Variants in CYLC1 observed in about 807,000 individuals in gnomAD.
CYLC1 encodes cylicin 1, also known as cylicin-1.
CYLC1 carries 2 observed loss-of-function variants against 31.6 expected under a neutral mutation model. That is an observed-to-expected ratio of 0.06 (90% CI 0.03 to 0.20). The LOEUF (loss-of-function observed/expected upper bound fraction) is 0.20. Among genes scored for constraint, CYLC1 ranks in the 10% least tolerant of loss-of-function variants. The pLI is 1.00. For missense variants in CYLC1, 595 were observed against 424.1 expected (o/e 1.40, Z -3.54); for synonymous variants, 185 against 153.0 (o/e 1.21, Z -1.54).
At position 83,873,263 on chromosome X, in the gene CYLC1, C is replaced by G. The variant is rs980763849; in HGVS notation, c.555C>G (p.Ser185=). ...SKSSSETNPE[S]QNSKTVSKNC... ...CCAGTTCAGAAACTAATCCAGAATCCCAAAATTCTAAGACAGTCTCAAAAA... is the reference window on the plus strand; with the variant it reads ...CCAGTTCAGAAACTAATCCAGAATCGCAAAATTCTAAGACAGTCTCAAAAA... Residue 185 remains serine, a synonymous_variant, in exon 4 of 5, where the codon TCC becomes TCG. Coordinates refer to ENST00000329312, the MANE Select transcript of CYLC1 (RefSeq NM_021118.3). 1 of 1,198,791 alleles carries G rather than the reference C, an allele frequency of 8.3e-7. No homozygotes were observed. The highest frequency in any genetic ancestry group is 2.3e-5 in the Admixed American group (1 of 43,975).
At chrX:83,886,467 T>C in intron 4 of CYLC1, 85 bp from the exon 5 acceptor site, 1 of 889,329 alleles carries the variant, frequency 1.1e-6, no homozygotes, top group Non-Finnish European at 1.6e-6. Flanking sequence ...TGCTTTCGTG[T>C]GATCCTTAAC....
At chrX:83,883,844 A>G (rs1477112327) in intron 4 of CYLC1, among the ~76,000 whole-genome samples, 2 of 111,945 alleles carry the variant, frequency 1.8e-5, no homozygotes, top group Admixed American at 1.9e-4. Context: ...AGTTGTATAA[A>G]CACAGCTGGA....
chrX:83,880,187 G>A (rs2031889609), intron 4 of CYLC1, among the ~76,000 whole-genome samples: 2 of 111,556 alleles, frequency 1.8e-5, no homozygotes, highest in South Asian at 7.4e-4. Context: ...ATTTTGCAGT[G>A]TATTTTGCTG....
At chrX:83,869,085 T>C (rs974861922) in intron 1 of CYLC1, among the ~76,000 whole-genome samples, 10 of 111,122 alleles carry the variant, frequency 9.0e-5, no homozygotes, top group South Asian at 7.3e-4. Flanking sequence ...AGTATAAAGC[T>C]ATTATACATA....
At chrX:83,880,766 C>A (rs1315619481) in intron 4 of CYLC1, among the ~76,000 whole-genome samples, 1 of 111,290 alleles carries the variant, frequency 9.0e-6, no homozygotes, top group Non-Finnish European at 1.9e-5. Flanking sequence ...CTATCAACAT[C>A]CCTCAAATAA....
At chrX:83,878,069 TATATATAA>T (rs1215593027) in intron 4 of CYLC1, among the ~76,000 whole-genome samples, 2 of 61,340 alleles carry the variant, frequency 3.3e-5, no homozygotes, top group Non-Finnish European at 5.4e-5. Flanking sequence ...TATATAAATA[TATATATAA>T]AAATATATAT....
intron 1 of CYLC1, among the ~76,000 whole-genome samples, chrX:83,863,912 G>T (rs2031553578): frequency 9.0e-6 from 1 of 111,394 alleles, no homozygotes; most frequent in Non-Finnish European, 1.9e-5. Context: ...CAAGGTGTCA[G>T]CAGGATTGGT....
chrX:83,867,252 AG>A (rs2031604805), intron 1 of CYLC1, among the ~76,000 whole-genome samples: 1 of 111,726 alleles, frequency 9.0e-6, no homozygotes, highest in African/African-American at 3.2e-5. Context: ...TGACCAACAA[AG>A]TCTTCAACAA....
At chrX:83,869,661 A>G (rs2031636832) in intron 1 of CYLC1, among the ~76,000 whole-genome samples, 1 of 111,325 alleles carries the variant, frequency 9.0e-6, no homozygotes, top group Non-Finnish European at 1.9e-5. Flanking sequence ...TGGAGATAAG[A>G]GAATGAATAA....
At chrX:83,877,972 G>C (rs867242397) in intron 4 of CYLC1, among the ~76,000 whole-genome samples, 2 of 49,144 alleles carry the variant, frequency 4.1e-5, no homozygotes, top group African/African-American at 8.2e-5. Flanking sequence ...ATATATATTT[G>C]TATATAAATA....
At chrX:83,879,510 C>G (rs960631275) in intron 4 of CYLC1, among the ~76,000 whole-genome samples, 3 of 112,027 alleles carry the variant, frequency 2.7e-5, no homozygotes, top group African/African-American at 9.7e-5. Flanking sequence ...GTTCTTATTT[C>G]CAACTTGCTT....
chrX:83,873,179 G>A lies in CYLC1; in HGVS notation c.471G>A (p.Glu157=), dbSNP rs1027226672. The change falls in exon 4 of 5, where the codon GAG becomes GAA. Residue 157 remains glutamate (E), a synonymous_variant. Coordinates refer to ENST00000329312, the MANE Select transcript of CYLC1 (RefSeq NM_021118.3). ...IVEEKTKRQN[E]ADKTPLKSSH... ...AAGAGAAAACTAAAAGACAAAATGA[G>A]GCAGATAAAACTCCCTTAAAATCAT... 1.7e-6 allele frequency: 2 copies of A among 1,204,125 alleles called. No homozygotes were observed. Among genetic ancestry groups the A allele is most frequent in the African/African-American group, 3.5e-5 (2 of 56,804 alleles).
Position 83,878,075 on chromosome X carries a change from TA to T in CYLC1, c.1923+3449del, listed in dbSNP as rs1164934355. ...ATATATTTGTATATAAATATATATA[TA>T]AAAATATATATATTTGTATATAAAT... On this transcript the variant is annotated intron_variant, in intron 4 of 4. Transcript: ENST00000329312. Among the ~76,000 whole-genome samples, 37 of 60,752 alleles carry T rather than the reference TA, an allele frequency of 6.1e-4. No individual in the cohort carries two copies. The East Asian group carries it at 9.7e-3, about 16-fold the overall frequency. The allele number at this position is 60,752 out of a possible 115,157, so 52.8% of individuals were successfully genotyped here.
chrX:83,882,627 A>G (rs776319447), intron 4 of CYLC1, among the ~76,000 whole-genome samples: 3 of 110,424 alleles, frequency 2.7e-5, no homozygotes, highest in Non-Finnish European at 5.7e-5. Context: ...CCATATCTTC[A>G]ATTCTTACAC....
intron 4 of CYLC1, among the ~76,000 whole-genome samples, chrX:83,878,983 G>T (rs1048975255): frequency 9.2e-6 from 1 of 108,471 alleles, no homozygotes; most frequent in Non-Finnish European, 1.9e-5. Context: ...GTGTTTCAGG[G>T]TCAGCACTGT....
intron 4 of CYLC1, among the ~76,000 whole-genome samples, chrX:83,881,297 T>G (rs765185308): frequency 9.0e-6 from 1 of 111,216 alleles, no homozygotes; most frequent in East Asian, 2.8e-4. Flanking sequence ...GGGACACATG[T>G]TCCTTCATAA....
intron 1 of CYLC1, among the ~76,000 whole-genome samples, chrX:83,869,255 T>C (rs1262780540): frequency 9.0e-6 from 1 of 110,774 alleles, no homozygotes; most frequent in Non-Finnish European, 1.9e-5. Context: ...CATGTGCACA[T>C]TTGGTATATA....
intron 4 of CYLC1, among the ~76,000 whole-genome samples, chrX:83,883,563 C>T (rs1345757440): frequency 9.0e-6 from 1 of 111,661 alleles, no homozygotes; most frequent in Non-Finnish European, 1.9e-5. Flanking sequence ...AATAAAATAA[C>T]CTTCTCTGAA....
chrX:83,872,989 C>T lies in CYLC1; in HGVS notation c.281C>T (p.Ala94Val). Reference protein sequence around the residue: ...ILQWPPIYTAAREQTPFRHLY... With the variant: ...ILQWPPIYTAVREQTPFRHLY... ...CAATGGCCACCCATTTACACAGCTGCCAGGGAACAGACTCCATTCAGACAT... is the reference window on the plus strand; with the variant it reads ...CAATGGCCACCCATTTACACAGCTGTCAGGGAACAGACTCCATTCAGACAT... The change falls in exon 4 of 5, where the codon GCC becomes GTC. Residue 94 changes from alanine (A) to valine (V), a missense_variant. Coordinates refer to ENST00000329312, the MANE Select transcript of CYLC1 (RefSeq NM_021118.3). 1 of 1,205,582 alleles carries T rather than the reference C, an allele frequency of 8.3e-7. No homozygotes were observed. The highest frequency in any genetic ancestry group is 1.7e-5 in the African/African-American group (1 of 57,180).
Sources: gnomAD v4.1 joint callset for allele counts (sites outside exome capture counted in the v4.1 genomes callset) on GRCh38, gnomAD v4.1.1 for gene constraint, MANE v1.5 for transcripts, NCBI Gene and HGNC (gene_info 2026-07-23, HGNC 2026-07-21) for gene names.